Variants in NTM observed in about 807,000 individuals in gnomAD.
NTM encodes the protein IgLON family member 2.
In NTM, 13 loss-of-function variants were observed where a neutral mutation model predicts 42.1. The ratio of observed to expected loss-of-function variants is 0.31; its 90% confidence interval spans 0.20 to 0.49. The LOEUF (loss-of-function observed/expected upper bound fraction) is 0.49, where lower values mean the gene tolerates loss of function less well. Among genes scored for constraint, NTM ranks in the 20% least tolerant of loss-of-function variants. The probability of loss-of-function intolerance (pLI) is 0.99; values close to 1 mark genes in which losing one functional copy is unlikely to be tolerated. For synonymous variants in NTM, 187 were observed against 179.2 expected (o/e 1.04, Z -0.35); for missense variants, 373 against 452.8 (o/e 0.82, Z 1.60).
intron 2 of NTM, among the ~76,000 whole-genome samples, chr11:132,048,171 C>T (rs2078283193): frequency 6.6e-6 from 1 of 152,104 alleles, no homozygotes; most frequent in Non-Finnish European, 1.5e-5. Flanking sequence ...CTTCAGATCA[C>T]ACTGCTGCCT....
chr11:131,457,495 A>T (rs1240886280), intron 1 of NTM, among the ~76,000 whole-genome samples: 1 of 152,176 alleles, frequency 6.6e-6, no homozygotes, highest in Non-Finnish European at 1.5e-5. Flanking sequence ...TCTGAGGAAG[A>T]TGGGAAGCCA....
At chr11:131,521,383 CTTTTTTTTTTTTTTTTTTTTT>C (rs773233050) in intron 1 of NTM, among the ~76,000 whole-genome samples, 169 of 45,752 alleles carry the variant, frequency 3.7e-3, no homozygotes, top group Admixed American at 6.4e-3. Flanking sequence ...AGGTGCCAGT[CTTTTTTTTTTTTTTTTTTTTT>C]TTTTTTTTTT....
intron 1 of NTM, among the ~76,000 whole-genome samples, chr11:131,800,475 T>A (rs2092005960): frequency 6.6e-6 from 1 of 152,216 alleles, no homozygotes; most frequent in Admixed American, 6.5e-5. Context: ...TATCTTTTCT[T>A]CTCCCTGCAA....
intron 1 of NTM, among the ~76,000 whole-genome samples, chr11:131,435,161 G>T (rs1255534125): frequency 6.6e-6 from 1 of 152,036 alleles, no homozygotes; most frequent in Non-Finnish European, 1.5e-5. Flanking sequence ...ATCTGTTTTG[G>T]TACCAGTACC....
chr11:132,172,830 C>T (rs73595476), intron 3 of NTM, among the ~76,000 whole-genome samples: 3,164 of 152,230 alleles, frequency 0.021, 92 homozygotes, highest in African/African-American at 0.069. Flanking sequence ...CAACTTCTGC[C>T]CTTTGTTTCG....
intron 4 of NTM, among the ~76,000 whole-genome samples, chr11:132,226,647 G>A (rs1308784714): frequency 1.3e-5 from 2 of 152,174 alleles, no homozygotes; most frequent in Non-Finnish European, 1.5e-5. Context: ...AAAGATGGAG[G>A]GGAGGGGGCG....
intron 1 of NTM, among the ~76,000 whole-genome samples, chr11:131,841,686 G>A: frequency 6.6e-6 from 1 of 152,152 alleles, no homozygotes; most frequent in Non-Finnish European, 1.5e-5. Flanking sequence ...AAGCTACTAA[G>A]GGAGCCCTAT....
rs189320047 is a variant in NTM, at chr11:131,767,907, G to T, written c.83-143657G>T. On this transcript the variant is annotated intron_variant, in intron 1 of 8. Coordinates refer to ENST00000683400, the MANE Select transcript of NTM (RefSeq NM_001352005.2). ...CACCTCCCGATGGGTCATTTGTAAG[G>T]TAGTTTTAGGATAGGACCAATGGGA... Among the ~76,000 whole-genome samples, 121 of 152,238 alleles carry T rather than the reference G, an allele frequency of 7.9e-4. 2 individuals are homozygous for T. The East Asian group carries it at 0.022, about 28-fold the overall frequency.
Position 132,069,797 on chromosome 11 carries a change from A to G in NTM, c.168-76485A>G, listed in dbSNP as rs562858228. Among the ~76,000 whole-genome samples, 40 of 147,882 alleles carry G rather than the reference A, an allele frequency of 2.7e-4. 1 individual carries two copies. The South Asian group carries it at 3.8e-3, about 14-fold the overall frequency. On this transcript the variant is annotated intron_variant, in intron 2 of 8. Transcript: ENST00000683400. The stretch of plus-strand genomic sequence containing the variant: ...AACTGACGATCACAGGTTAGTTAAC[A>G]CGTCACACAGCCAAAACACATCAAA...
At chr11:131,726,912 C>A (rs568086183) in intron 1 of NTM, among the ~76,000 whole-genome samples, 4 of 151,212 alleles carry the variant, frequency 2.6e-5, no homozygotes, top group Non-Finnish European at 5.9e-5. Flanking sequence ...TGGTCGTCAA[C>A]TTCTGGGCTC....
At chr11:132,116,927 C>T (rs1259347985) in intron 2 of NTM, among the ~76,000 whole-genome samples, 4 of 151,276 alleles carry the variant, frequency 2.6e-5, no homozygotes, top group South Asian at 2.1e-4. Flanking sequence ...GAGCCCAGGT[C>T]GAAGAAAAGT....
intron 2 of NTM, among the ~76,000 whole-genome samples, chr11:132,104,585 C>T (rs1339180726): frequency 5.8e-5 from 8 of 138,762 alleles, no homozygotes; most frequent in Admixed American, 5.1e-4. Flanking sequence ...GACCCCCCCC[C>T]ACCAAAAATA....
intron 2 of NTM, among the ~76,000 whole-genome samples, chr11:132,070,065 G>T (rs905129073): frequency 7.1e-6 from 1 of 141,368 alleles, no homozygotes; most frequent in Non-Finnish European, 1.5e-5. Context: ...ACGTCACACA[G>T]CCAAGTTAAC....
At chr11:131,776,027 G>A (rs1484234913) in intron 1 of NTM, among the ~76,000 whole-genome samples, 1 of 152,156 alleles carries the variant, frequency 6.6e-6, no homozygotes, top group Non-Finnish European at 1.5e-5. Flanking sequence ...CAACTGTGGG[G>A]CCTGCTTTAT....
chr11:131,544,255 A>C (rs1222127776), intron 1 of NTM, among the ~76,000 whole-genome samples: 1 of 152,246 alleles, frequency 6.6e-6, no homozygotes, highest in Non-Finnish European at 1.5e-5. Flanking sequence ...TTTCAAAGTA[A>C]TACAATTTGC....
intron 1 of NTM, among the ~76,000 whole-genome samples, chr11:131,465,688 T>C (rs1174209459): frequency 1.3e-5 from 2 of 152,210 alleles, no homozygotes; most frequent in Admixed American, 6.5e-5. Flanking sequence ...CAGCGAACAG[T>C]CTTTTCTTTT....
chr11:132,320,587 T>C (rs1041559055), intron 7 of NTM, among the ~76,000 whole-genome samples: 106 of 152,200 alleles, frequency 7.0e-4, no homozygotes, highest in Admixed American at 3.1e-3. Context: ...AAGGTGGCAG[T>C]GAGGCTGGGG....
intron 1 of NTM, among the ~76,000 whole-genome samples, chr11:131,411,859 A>G (rs1181853758): frequency 2.8e-4 from 43 of 152,130 alleles, no homozygotes. Flanking sequence ...AGCCCTAAGG[A>G]CAGTTTTATG....
intron 1 of NTM, among the ~76,000 whole-genome samples, chr11:131,608,166 G>A (rs1028354779): frequency 1.3e-5 from 2 of 152,078 alleles, no homozygotes; most frequent in Admixed American, 6.5e-5. Context: ...TTATCCTTGC[G>A]ATAGTTTGCT....
Sources: allele counts gnomAD v4.1 joint callset (sites outside exome capture counted in the v4.1 genomes callset), GRCh38; gene constraint gnomAD v4.1.1; transcripts MANE v1.5; gene names NCBI Gene and HGNC (gene_info 2026-07-23, HGNC 2026-07-21).